NRBF2: variants seen among roughly 807,000 people sequenced by gnomAD.
The protein encoded by NRBF2 is nuclear receptor binding factor 2, also known as nuclear receptor-binding factor 2.
Under a neutral mutation model 28.5 loss-of-function variants are expected in NRBF2, and 12 were observed. That is an observed-to-expected ratio of 0.42 (90% CI 0.27 to 0.68). The LOEUF (loss-of-function observed/expected upper bound fraction) is 0.68. Ranked by LOEUF, NRBF2 falls within the 30% of genes least tolerant of loss-of-function variation. The pLI is 0.24. For synonymous variants in NRBF2, 102 were observed against 116.5 expected (o/e 0.88, Z 0.80); for missense variants, 274 against 333.5 (o/e 0.82, Z 1.39).
chr10:63,138,348 G>A (rs1841406209), intron 1 of NRBF2, among the ~76,000 whole-genome samples: 2 of 151,906 alleles, frequency 1.3e-5, no homozygotes, highest in Non-Finnish European at 2.9e-5. Flanking sequence ...GCCAGGTGTG[G>A]TGGCACATGC....
chr10:63,142,289 C>CTT (rs1841482176), intron 1 of NRBF2, among the ~76,000 whole-genome samples: 1 of 148,110 alleles, frequency 6.8e-6, no homozygotes, highest in Non-Finnish European at 1.5e-5. Context: ...GAATCAGAAC[C>CTT]TTTGTTTTTT....
intron 2 of NRBF2, 136 bp from the exon 3 acceptor site, chr10:63,152,014 T>C (rs1841658913): frequency 1.9e-6 from 1 of 534,610 alleles, no homozygotes; most frequent in South Asian, 3.2e-5. Context: ...TAAGAATTCT[T>C]TTAAAAAATC....
chr10:63,140,273 C>CGTCTA (rs754894556), intron 1 of NRBF2, among the ~76,000 whole-genome samples: 9 of 152,156 alleles, frequency 5.9e-5, no homozygotes, highest in Non-Finnish European at 1.3e-4. Flanking sequence ...CAGCTGTAGA[C>CGTCTA]CTCAATCTAA....
chr10:63,141,367 T>C (rs767955188), intron 1 of NRBF2, among the ~76,000 whole-genome samples: 4 of 152,156 alleles, frequency 2.6e-5, no homozygotes, highest in Non-Finnish European at 5.9e-5. Flanking sequence ...GCCCAGGATA[T>C]TGAGGCTGCA....
Position 63,142,302 on chromosome 10 carries a change from G to GTTTTTTT in NRBF2, c.31-3905_31-3899dup, listed in dbSNP as rs141743950. On this transcript the variant is annotated intron_variant, in intron 1 of 3. Coordinates refer to ENST00000277746, the MANE Select transcript of NRBF2 (RefSeq NM_030759.5). ...CTGAATCAGAACCTTTGTTTTTTTT[G>GTTTTTTT]TTTTTTTTGTTTTTTTTTGAGATGG... Among the ~76,000 whole-genome samples, 5 of 133,204 alleles carry GTTTTTTT rather than the reference G, an allele frequency of 3.8e-5. 2 individuals are homozygous for GTTTTTTT. Among genetic ancestry groups the GTTTTTTT allele is most frequent in the African/African-American group, 2.6e-5 (1 of 38,694 alleles). The allele number at this position is 133,204 out of a possible 152,430, so 87.4% of individuals were successfully genotyped here.
intron 2 of NRBF2, among the ~76,000 whole-genome samples, chr10:63,149,430 TAA>T (rs1480380870): frequency 6.6e-6 from 1 of 152,246 alleles, no homozygotes; most frequent in Non-Finnish European, 1.5e-5. Flanking sequence ...ATCATTCGCT[TAA>T]TATCTACTTT....
chr10:63,136,016 A>G (rs1841371900), intron 1 of NRBF2, among the ~76,000 whole-genome samples: 3 of 152,300 alleles, frequency 2.0e-5, no homozygotes, highest in Admixed American at 6.5e-5. Context: ...TTGGAAGGTA[A>G]CAGTAGAACA....
Position 63,153,855 on chromosome 10 carries a change from T to C in NRBF2, c.501T>C (p.Ile167=), listed in dbSNP as rs773436359. The C allele has an allele frequency of 1.2e-6, 2 of 1,612,142 alleles. No homozygotes were observed. The highest frequency in any genetic ancestry group is 1.7e-6 in the Non-Finnish European group (2 of 1,179,754). The change falls in exon 4 of 4, where the codon ATT becomes ATC. Residue 167 remains isoleucine, a synonymous_variant. Coordinates refer to ENST00000277746, the MANE Select transcript of NRBF2 (RefSeq NM_030759.5). ...GSKAPKDDKT[I]IEEQATKIAD... is the part of the protein sequence containing the mutation. ...AAGCCCCAAAAGATGATAAAACAATTATAGAGGAGCAGGCAACCAAAATTG... is the reference window on the plus strand; with the variant it reads ...AAGCCCCAAAAGATGATAAAACAATCATAGAGGAGCAGGCAACCAAAATTG...
intron 1 of NRBF2, among the ~76,000 whole-genome samples, chr10:63,135,080 G>A (rs778569355): frequency 6.6e-6 from 1 of 152,204 alleles, no homozygotes; most frequent in African/African-American, 2.4e-5. Context: ...CCAGCTACTC[G>A]GGAGGCTGAG....
intron 1 of NRBF2, among the ~76,000 whole-genome samples, chr10:63,143,444 G>A (rs16913026): frequency 0.035 from 5,328 of 152,148 alleles, 292 homozygotes; most frequent in East Asian, 0.26. Context: ...TCATTTTTCA[G>A]CTAACTGACA....
intron 1 of NRBF2, among the ~76,000 whole-genome samples, chr10:63,134,760 C>T (rs1483915139): frequency 6.6e-6 from 1 of 152,156 alleles, no homozygotes; most frequent in East Asian, 1.9e-4. Flanking sequence ...CTTTAAAAGC[C>T]TAAGATTCTC....
intron 2 of NRBF2, 32 bp from the exon 3 acceptor site, chr10:63,152,118 C>G (rs368425684): frequency 1.3e-5 from 20 of 1,554,430 alleles, no homozygotes; most frequent in Non-Finnish European, 1.8e-5. Context: ...AATGAAGACA[C>G]ATATTAACAT....
intron 1 of NRBF2, among the ~76,000 whole-genome samples, chr10:63,141,987 C>G (rs1479586274): frequency 6.6e-6 from 1 of 152,140 alleles, no homozygotes; most frequent in African/African-American, 2.4e-5. Context: ...TTTAAGGGAG[C>G]TGGGAGAGCC....
intron 2 of NRBF2, among the ~76,000 whole-genome samples, chr10:63,146,958 A>C (rs953706210): frequency 2.0e-5 from 3 of 152,182 alleles, no homozygotes; most frequent in African/African-American, 7.2e-5. Flanking sequence ...TTTTGCTTAG[A>C]CCAGTTTCTG....
intron 1 of NRBF2, among the ~76,000 whole-genome samples, chr10:63,136,269 T>A (rs543183659): frequency 6.6e-6 from 1 of 152,124 alleles, no homozygotes; most frequent in Non-Finnish European, 1.5e-5. Flanking sequence ...GTAGCTGGGA[T>A]TACAGGCATG....
At chr10:63,152,490 T>C (rs545220460) in intron 3 of NRBF2, among the ~76,000 whole-genome samples, 3 of 152,370 alleles carry the variant, frequency 2.0e-5, no homozygotes, top group Non-Finnish European at 2.9e-5. Context: ...TTAGCTCTTA[T>C]TTGATCATTA....
At position 63,136,470 on chromosome 10, in the gene NRBF2, A is replaced by G. The variant is rs552072485; in HGVS notation, c.30+2970A>G. Among the ~76,000 whole-genome samples, 72 of 152,326 alleles carry G rather than the reference A, an allele frequency of 4.7e-4. 1 individual carries two copies. Among genetic ancestry groups the G allele is most frequent in the Admixed American group, 4.7e-3 (72 of 15,288 alleles). On this transcript the variant is annotated intron_variant, in intron 1 of 3. Coordinates refer to ENST00000277746, the MANE Select transcript of NRBF2 (RefSeq NM_030759.5). ...TTACTAATGCAATAAGCTTTGTCAA[A>G]TGACGTCGTAGTGTAGTCCAAATTC...
intron 2 of NRBF2, among the ~76,000 whole-genome samples, chr10:63,146,961 A>G (rs1336202046): frequency 1.3e-5 from 2 of 152,126 alleles, no homozygotes; most frequent in East Asian, 3.8e-4. Flanking sequence ...TGCTTAGACC[A>G]GTTTCTGTTG....
Position 63,146,220 on chromosome 10 carries a change from G to A in NRBF2, c.42G>A (p.Gln14=), listed in dbSNP as rs775167058. 4 of 1,611,510 alleles carry A rather than the reference G, an allele frequency of 2.5e-6. No individual in the cohort carries two copies. In the East Asian group the frequency reaches 8.9e-5, roughly 36 times the overall value. The change falls in exon 2 of 4, where the codon CAG becomes CAA. Residue 14 remains glutamine (Q), a synonymous_variant. Transcript: ENST00000277746. ...TGTTTGTCTTCTAGGCTCATCAACA[G>A]AGCAGACGAGCAGACCGTTTATTAG... ...MEGPLNLAHQ[Q]SRRADRLLAA...
Sources: gnomAD v4.1 joint callset for allele counts (sites outside exome capture counted in the v4.1 genomes callset) on GRCh38, gnomAD v4.1.1 for gene constraint, MANE v1.5 for transcripts, NCBI Gene and HGNC (gene_info 2026-07-23, HGNC 2026-07-21) for gene names.